HNRNPC: variants seen among roughly 807,000 people sequenced by gnomAD.
The protein encoded by HNRNPC is heterogeneous nuclear ribonucleoprotein C.
A neutral mutation model predicts 33.2 loss-of-function variants in HNRNPC; 3 were observed. That is an observed-to-expected ratio of 0.09 (90% confidence interval 0.04 to 0.23). The LOEUF (loss-of-function observed/expected upper bound fraction) is 0.23, where lower values mean the gene tolerates loss of function less well. Ranked by LOEUF, HNRNPC falls within the 10% of genes least tolerant of loss-of-function variation. HNRNPC has a pLI of 1.00. For missense variants in HNRNPC, 143 were observed against 366.7 expected (o/e 0.39, Z 4.98); for synonymous variants, 121 against 126.7 (o/e 0.96, Z 0.30).
chr14:21,236,805 GAGT>G (rs1894742125), intron 2 of HNRNPC, among the ~76,000 whole-genome samples: 1 of 152,158 alleles, frequency 6.6e-6, no homozygotes, highest in African/African-American at 2.4e-5. Flanking sequence ...AGCAAGAGCA[GAGT>G]AGTTTTTGAA....
intron 5 of HNRNPC, among the ~76,000 whole-genome samples, chr14:21,216,004 T>C (rs1399812611): frequency 2.7e-5 from 4 of 147,498 alleles, no homozygotes; most frequent in African/African-American, 5.1e-5. Context: ...TAATCCCAGC[T>C]ACGCAGGAGG....
chr14:21,226,342 A>AAAAG (rs1430282296), intron 5 of HNRNPC, among the ~76,000 whole-genome samples: 1 of 150,612 alleles, frequency 6.6e-6, no homozygotes, highest in South Asian at 2.1e-4. Context: ...AAAAAAAAAA[A>AAAAG]AAAGAAAGAA....
At chr14:21,230,033 A>G (rs568029774) in intron 5 of HNRNPC, among the ~76,000 whole-genome samples, 2 of 152,146 alleles carry the variant, frequency 1.3e-5, no homozygotes, top group South Asian at 4.1e-4. Flanking sequence ...CTGTTACCCA[A>G]AGCCACCCAT....
At chr14:21,250,130 G>A (rs1029688506) in intron 2 of HNRNPC, among the ~76,000 whole-genome samples, 2 of 152,026 alleles carry the variant, frequency 1.3e-5, no homozygotes, top group South Asian at 2.1e-4. Context: ...GCGCACACCT[G>A]TAGTCCAGGC....
At chr14:21,241,521 T>C (rs191689231) in intron 2 of HNRNPC, among the ~76,000 whole-genome samples, 1 of 152,358 alleles carries the variant, frequency 6.6e-6, no homozygotes. Flanking sequence ...CTTTGGATAC[T>C]ATAAATTCCT....
chr14:21,262,348 C>G (rs1160920561), intron 2 of HNRNPC, among the ~76,000 whole-genome samples: 3 of 152,238 alleles, frequency 2.0e-5, no homozygotes, highest in Non-Finnish European at 4.4e-5. Flanking sequence ...AAACAAGCCA[C>G]TTTCATTTTA....
intron 6 of HNRNPC, among the ~76,000 whole-genome samples, chr14:21,212,506 G>A (rs911091868): frequency 6.6e-6 from 1 of 151,618 alleles, no homozygotes; most frequent in Admixed American, 6.6e-5. Flanking sequence ...GTCTAGAATT[G>A]GCCACTCAAT....
At chr14:21,232,415 T>G (rs140232960) in intron 3 of HNRNPC, among the ~76,000 whole-genome samples, 5 of 152,126 alleles carry the variant, frequency 3.3e-5, no homozygotes, top group African/African-American at 4.8e-5. Flanking sequence ...TCTTGCCCCA[T>G]TGCCCAGGCT....
chr14:21,219,322 T>C (rs374572082), intron 5 of HNRNPC, among the ~76,000 whole-genome samples: 1 of 152,170 alleles, frequency 6.6e-6, no homozygotes, highest in Admixed American at 6.5e-5. Context: ...TATATGACTA[T>C]GCATTTTGTA....
chr14:21,256,802 G>C (rs1425965664), intron 2 of HNRNPC, among the ~76,000 whole-genome samples: 1 of 151,968 alleles, frequency 6.6e-6, no homozygotes, highest in African/African-American at 2.4e-5. Context: ...ACAGACACTT[G>C]CCACCACTCC....
chr14:21,242,438 C>T (rs928201516), intron 2 of HNRNPC, among the ~76,000 whole-genome samples: 1 of 152,192 alleles, frequency 6.6e-6, no homozygotes, highest in South Asian at 2.1e-4. Flanking sequence ...GAGCCTAGAT[C>T]GTGCCACTGC....
At chr14:21,218,681 CAAAAAAAAAAAA>C (rs71112557) in intron 5 of HNRNPC, among the ~76,000 whole-genome samples, 7 of 51,254 alleles carry the variant, frequency 1.4e-4, no homozygotes, top group South Asian at 7.6e-4. Flanking sequence ...AACTCTCTCT[CAAAAAAAAAAAA>C]AAAAAAAAAA....
At chr14:21,243,390 C>G (rs1051785495) in intron 2 of HNRNPC, among the ~76,000 whole-genome samples, 1 of 151,998 alleles carries the variant, frequency 6.6e-6, no homozygotes, top group Non-Finnish European at 1.5e-5. Flanking sequence ...AGTTGCTATC[C>G]GAAGAGTGGG....
chr14:21,233,923 A>G, intron 3 of HNRNPC, 30 bp downstream of exon 3: 1 of 1,609,016 alleles, frequency 6.2e-7, no homozygotes, highest in Non-Finnish European at 8.5e-7. Flanking sequence ...TCAGGCCTGA[A>G]TTACATCATC....
intron 2 of HNRNPC, among the ~76,000 whole-genome samples, chr14:21,243,627 A>G (rs1895621172): frequency 6.6e-6 from 1 of 152,234 alleles, no homozygotes; most frequent in Non-Finnish European, 1.5e-5. Flanking sequence ...TTAACTAACT[A>G]AACCAGTACA....
At chr14:21,259,882 CA>C (rs5807071) in intron 2 of HNRNPC, among the ~76,000 whole-genome samples, 30 of 132,850 alleles carry the variant, frequency 2.3e-4, no homozygotes, top group Admixed American at 2.3e-4. Context: ...CTGTCTCCAC[CA>C]AAAAAAAAAA....
chr14:21,254,899 G>A (rs978486834), intron 2 of HNRNPC, among the ~76,000 whole-genome samples: 3 of 148,366 alleles, frequency 2.0e-5, no homozygotes, highest in Admixed American at 1.4e-4. Context: ...TCCAGCCTGG[G>A]CAACAGAGCG....
At chr14:21,245,411 C>T (rs1410025636) in intron 2 of HNRNPC, among the ~76,000 whole-genome samples, 1 of 152,080 alleles carries the variant, frequency 6.6e-6, no homozygotes, top group African/African-American at 2.4e-5. Context: ...CAGGAGAAAT[C>T]GCTTGAACCC....
rs1566617121 is a variant in HNRNPC, at chr14:21,234,238, C to A, written c.-36-9G>T. 128 of 1,527,142 alleles carry A rather than the reference C, an allele frequency of 8.4e-5. No homozygotes were observed. Among genetic ancestry groups the A allele is most frequent in the Admixed American group, 6.9e-4 (36 of 52,026 alleles). The allele number at this position is 1,527,142 out of a possible 1,614,324, so 94.6% of individuals were successfully genotyped here. On this transcript the variant is annotated splice_polypyrimidine_tract_variant and intron_variant, in intron 2 of 8. Transcript: ENST00000553300. Reference sequence around the variant, plus strand: ...TCTCACAAAGCCGAAAACTGTAAAGCAAAAAAAAGTATACAGGTGAACAGA... The same window carrying A: ...TCTCACAAAGCCGAAAACTGTAAAGAAAAAAAAAGTATACAGGTGAACAGA...
Sources: allele counts gnomAD v4.1 joint callset (sites outside exome capture counted in the v4.1 genomes callset), GRCh38; gene constraint gnomAD v4.1.1; transcripts MANE v1.5; gene names NCBI Gene and HGNC (gene_info 2026-07-23, HGNC 2026-07-21).